Variants in SPATA9 observed in about 807,000 individuals in gnomAD.
SPATA9 encodes spermatogenesis-associated protein 9.
A neutral mutation model predicts 25.5 loss-of-function variants in SPATA9; 27 were observed. The observed-to-expected ratio is 1.06, with a 90% CI of 0.78 to 1.46. SPATA9 has a LOEUF of 1.46. Ranked by LOEUF, SPATA9 falls within the 40% of genes most tolerant of loss-of-function variation. The pLI is 0.00. For synonymous variants in SPATA9, 102 were observed against 105.7 expected, an observed-to-expected ratio of 0.97 and a Z score of 0.21; for missense variants, 282 against 297.5, an observed-to-expected ratio of 0.95 and a Z score of 0.38.
intron 4 of SPATA9, among the ~76,000 whole-genome samples, chr5:95,662,882 G>C (rs1307033401): frequency 3.3e-5 from 5 of 152,080 alleles, no homozygotes; most frequent in African/African-American, 1.2e-4. Context: ...TATACTACAT[G>C]CCCACAAAAA....
At chr5:95,685,828 T>G (rs1368889632), upstream of SPATA9, among the ~76,000 whole-genome samples, 1 of 152,126 alleles carries the variant, frequency 6.6e-6, no homozygotes, top group Non-Finnish European at 1.5e-5. Context: ...CAATGATAGT[T>G]TTTTCGTTTG....
At chr5:95,723,472 A>T in the SPATA9 span, among the ~76,000 whole-genome samples, 1 of 152,220 alleles carries the variant, frequency 6.6e-6, no homozygotes, top group Admixed American at 6.5e-5. Context: ...AGACTGACTA[A>T]ATGGTTATTG....
chr5:95,673,172 T>C (rs542381819), intron 3 of SPATA9, among the ~76,000 whole-genome samples: 1 of 152,250 alleles, frequency 6.6e-6, no homozygotes, highest in South Asian at 2.1e-4. Flanking sequence ...AGTGTCCCTA[T>C]AAAAAGTCCC....
At chr5:95,711,701 T>G in the SPATA9 span, among the ~76,000 whole-genome samples, 1 of 152,014 alleles carries the variant, frequency 6.6e-6, no homozygotes, top group Non-Finnish European at 1.5e-5. Flanking sequence ...AGGGAGGCAG[T>G]ACAGGGGGAG....
At chr5:95,714,227 G>C in the SPATA9 span, among the ~76,000 whole-genome samples, 2 of 152,254 alleles carry the variant, frequency 1.3e-5, no homozygotes, top group Admixed American at 1.3e-4. Context: ...ACAGGCTCGA[G>C]GCTCAAGAGA....
intron 2 of SPATA9, among the ~76,000 whole-genome samples, chr5:95,681,640 G>A (rs1247613268): frequency 6.6e-6 from 1 of 152,138 alleles, no homozygotes; most frequent in Non-Finnish European, 1.5e-5. Context: ...CCAGTCCCAA[G>A]CAATAGTGAG....
chr5:95,709,711 G>A, the SPATA9 span, among the ~76,000 whole-genome samples: 3 of 152,198 alleles, frequency 2.0e-5, no homozygotes, highest in African/African-American at 7.2e-5. Flanking sequence ...TCCAGAGAAG[G>A]TGTCTACTAG....
At position 95,682,818 on chromosome 5, in the gene SPATA9, C is replaced by T; in HGVS notation, c.37G>A (p.Val13Met). 6.5e-7 allele frequency: 1 copy of T among 1,549,898 alleles called. No homozygotes were observed. The highest frequency in any genetic ancestry group is 8.7e-7 in the Non-Finnish European group (1 of 1,152,742). ...IKPVGWICGQ[V>M]LKNFSGRIEG... is the part of the protein sequence containing the mutation. The stretch of plus-strand genomic sequence containing the variant: ...CTTCTTCCAGAAAAGTTCTTCAACA[C>T]CTGCCCACATATCCACCCAACAGGT... Residue 13 changes from valine to methionine, a missense_variant, in exon 1 of 5, where the codon GTG becomes ATG. Physicochemically the swap from Val to Met is conservative, Grantham distance 21 (BLOSUM62 1). Coordinates refer to ENST00000274432, the MANE Select transcript of SPATA9 (RefSeq NM_031952.4).
chr5:95,682,070 G>GT (rs1753512066), intron 2 of SPATA9, among the ~76,000 whole-genome samples: 1 of 152,052 alleles, frequency 6.6e-6, no homozygotes, highest in African/African-American at 2.4e-5. Context: ...TGGAACAGAG[G>GT]TTTAAAAAAT....
intron 4 of SPATA9, among the ~76,000 whole-genome samples, chr5:95,660,124 G>C (rs1751131922): frequency 6.6e-6 from 1 of 152,126 alleles, no homozygotes; most frequent in Admixed American, 6.5e-5. Flanking sequence ...ATTTCTCACA[G>C]TTCTGGAGAG....
the SPATA9 span, among the ~76,000 whole-genome samples, chr5:95,711,990 A>G: frequency 6.6e-6 from 1 of 152,176 alleles, no homozygotes; most frequent in South Asian, 2.1e-4. Context: ...GCCTTTCTTA[A>G]GGCGGACTCC....
At chr5:95,707,981 G>A in the SPATA9 span, among the ~76,000 whole-genome samples, 2 of 152,160 alleles carry the variant, frequency 1.3e-5, no homozygotes, top group African/African-American at 4.8e-5. Flanking sequence ...TTTGACAGAA[G>A]CTATGCATTG....
upstream of SPATA9, among the ~76,000 whole-genome samples, chr5:95,683,973 T>A (rs1316265236): frequency 6.6e-6 from 1 of 152,164 alleles, no homozygotes; most frequent in Non-Finnish European, 1.5e-5. Flanking sequence ...GAAAGTGTCT[T>A]CATGGGAACA....
intron 4 of SPATA9, among the ~76,000 whole-genome samples, chr5:95,660,891 G>A (rs1244304004): frequency 2.0e-5 from 3 of 152,014 alleles, no homozygotes; most frequent in African/African-American, 7.3e-5. Context: ...ACATACTTGA[G>A]TATCTTCCAT....
At chr5:95,718,793 G>T in the SPATA9 span, among the ~76,000 whole-genome samples, 1 of 152,216 alleles carries the variant, frequency 6.6e-6, no homozygotes, top group Non-Finnish European at 1.5e-5. Context: ...TGAAATCTCA[G>T]TTGGATAGGG....
At chr5:95,722,777 C>T in the SPATA9 span, among the ~76,000 whole-genome samples, 1 of 152,174 alleles carries the variant, frequency 6.6e-6, no homozygotes, top group African/African-American at 2.4e-5. Context: ...GCCACTGCGC[C>T]CAGCCTAAAA....
downstream of SPATA9, chr5:95,652,976 C>T: frequency 1.7e-6 from 2 of 1,182,876 alleles, no homozygotes; most frequent in Non-Finnish European, 1.2e-6. Flanking sequence ...TTCCTTTGCT[C>T]TTAGAGTAAA....
chr5:95,695,544 G>A (rs1256923323), intron 1 of SPATA9, among the ~76,000 whole-genome samples: 1 of 152,182 alleles, frequency 6.6e-6, no homozygotes, highest in African/African-American at 2.4e-5. Context: ...GTTGCAGTGA[G>A]CTGAGATTGC....
At chr5:95,654,200 A>T, downstream of SPATA9, 1 of 1,613,122 alleles carries the variant, frequency 6.2e-7, no homozygotes, top group Non-Finnish European at 8.5e-7. Context: ...TTTCTACCAC[A>T]AGGGAGAATA....
Sources: allele counts gnomAD v4.1 joint callset (sites outside exome capture counted in the v4.1 genomes callset), GRCh38; gene constraint gnomAD v4.1.1; transcripts MANE v1.5; gene names NCBI Gene and HGNC (gene_info 2026-07-23, HGNC 2026-07-21).